Variants in HTR4 observed in about 807,000 individuals in gnomAD.
HTR4 encodes 5-hydroxytryptamine receptor 4.
HTR4 carries 16 observed loss-of-function variants against 36.8 expected under a neutral mutation model. The ratio of observed to expected loss-of-function variants is 0.43; its 90% CI spans 0.29 to 0.66. The LOEUF (loss-of-function observed/expected upper bound fraction) is 0.66. HTR4 is among the 30% of genes least tolerant of loss of function. The pLI is 0.13. For missense variants in HTR4, 438 were observed against 490.9 expected, an observed-to-expected ratio of 0.89 and a Z score of 1.02; for synonymous variants, 189 against 185.1, an observed-to-expected ratio of 1.02 and a Z score of -0.17.
intron 5 of HTR4, among the ~76,000 whole-genome samples, chr5:148,453,152 C>T (rs1048281909): frequency 3.6e-4 from 55 of 152,254 alleles, no homozygotes; most frequent in African/African-American, 1.2e-3. Context: ...AGTGCTTTTC[C>T]GGAGCAGCAG....
Position 148,518,608 on chromosome 5 carries a change from C to G in HTR4, c.507+4585G>C, listed in dbSNP as rs573918285. ...ACATAGGGCAAATAATGTCATTCCT[C>G]TCACCCAAACCCTCAAAAGCTTCTT... is the stretch of plus-strand genomic sequence containing the variant. On this transcript the variant is annotated intron_variant, in intron 5 of 6. Coordinates refer to ENST00000377888, the MANE Select transcript of HTR4 (RefSeq NM_000870.7). Among the ~76,000 whole-genome samples, 16 of 152,216 alleles carry G rather than the reference C, an allele frequency of 1.1e-4. No homozygotes were observed. The South Asian group carries it at 3.3e-3, about 32-fold the overall frequency.
chr5:148,468,976 G>A (rs542923619), intron 5 of HTR4, among the ~76,000 whole-genome samples: 10 of 152,140 alleles, frequency 6.6e-5, no homozygotes, highest in East Asian at 3.9e-4. Context: ...CCGTTCCGCC[G>A]TGATTGTAAG....
chr5:148,523,539 T>A (rs1758125540), intron 4 of HTR4, among the ~76,000 whole-genome samples, 193 bp from the exon 5 acceptor site: 1 of 147,714 alleles, frequency 6.8e-6, no homozygotes, highest in African/African-American at 2.5e-5. Context: ...GAATACAGGG[T>A]AAAAAGAGGA....
chr5:148,583,650 T>TCA lies in HTR4; in HGVS notation c.27-33389_27-33388insTG, dbSNP rs57329125. ...ATCATCATCATCATCATCATCATCA[T>TCA]TATTATCATCATTTTATATTAAAAA... On this transcript the variant is annotated intron_variant, in intron 2 of 6. Transcript: ENST00000377888. 1.5e-4 allele frequency among the ~76,000 whole-genome samples: 23 copies of TCA among 151,614 alleles called. No homozygotes were observed. The South Asian group carries it at 2.1e-3, about 14-fold the overall frequency.
chr5:148,499,198 ACTT>A (rs1259461850), intron 6 of HTR4, among the ~76,000 whole-genome samples: 1 of 152,152 alleles, frequency 6.6e-6, no homozygotes, highest in Non-Finnish European at 1.5e-5. Flanking sequence ...ATAATACCTT[ACTT>A]CTTTGAGTTA....
At chr5:148,455,349 G>A (rs1199268586) in intron 5 of HTR4, among the ~76,000 whole-genome samples, 2 of 152,160 alleles carry the variant, frequency 1.3e-5, no homozygotes, top group African/African-American at 4.8e-5. Context: ...CATGAAAAAG[G>A]TATCCTAGTT....
downstream of HTR4, among the ~76,000 whole-genome samples, chr5:148,473,237 G>A (rs547835521): frequency 5.0e-3 from 745 of 149,360 alleles, 4 homozygotes; most frequent in Middle Eastern, 0.01. Flanking sequence ...GGCAGAGGTT[G>A]CATGCAGTGA....
intron 1 of HTR4, among the ~76,000 whole-genome samples, chr5:148,638,169 C>T (rs1054401747): frequency 1.3e-5 from 2 of 152,120 alleles, no homozygotes; most frequent in African/African-American, 2.4e-5. Flanking sequence ...GAAAGGACCT[C>T]GACTCTCTGT....
chr5:148,467,683 A>G (rs1755463318), intron 5 of HTR4, among the ~76,000 whole-genome samples: 1 of 152,266 alleles, frequency 6.6e-6, no homozygotes, highest in South Asian at 2.1e-4. Context: ...CCTTATCCAC[A>G]GTCTCCTATT....
intron 2 of HTR4, among the ~76,000 whole-genome samples, chr5:148,615,293 T>C (rs1163587940): frequency 1.3e-5 from 2 of 151,982 alleles, no homozygotes; most frequent in Non-Finnish European, 2.9e-5. Flanking sequence ...ATGTCCAACA[T>C]TGATAGACTG....
chr5:148,621,157 T>C (rs1375214089), intron 2 of HTR4, among the ~76,000 whole-genome samples: 1 of 152,228 alleles, frequency 6.6e-6, no homozygotes, highest in Non-Finnish European at 1.5e-5. Context: ...GAAAAGGTTC[T>C]TTGAAATTCA....
At chr5:148,618,391 C>A (rs1381811242) in intron 2 of HTR4, among the ~76,000 whole-genome samples, 1 of 152,258 alleles carries the variant, frequency 6.6e-6, no homozygotes, top group Non-Finnish European at 1.5e-5. Context: ...TCTTCTCCAA[C>A]CAGGCTCAGC....
At position 148,482,522 on chromosome 5, in the gene HTR4, T is replaced by C. The variant is rs200945291; in HGVS notation, c.*681A>G. The C allele has an allele frequency of 4.1e-6, 4 of 985,512 alleles. No individual in the cohort carries two copies. Among genetic ancestry groups the C allele is most frequent in the Non-Finnish European group, 4.8e-6 (4 of 830,062 alleles). 61.0% of individuals were successfully genotyped at this position (985,512 alleles called of 1,614,324 possible). ...CAGATCTCTGACCCTGTGTCTTCCA[T>C]GGAAAATAAATGGAGCATGTCCTGA... is the stretch of plus-strand genomic sequence containing the variant. On this transcript the variant is annotated 3_prime_UTR_variant, in exon 7 of 7. Coordinates refer to ENST00000377888, the MANE Select transcript of HTR4 (RefSeq NM_000870.7).
At chr5:148,470,072 C>T (rs1988818) in intron 5 of HTR4, among the ~76,000 whole-genome samples, 76,545 of 151,982 alleles carry the variant, frequency 0.5, 19,993 homozygotes, top group East Asian at 0.8. Flanking sequence ...GTGATGACAA[C>T]AGCAATGATA....
At chr5:148,633,652 A>G (rs1487239856) in intron 2 of HTR4, among the ~76,000 whole-genome samples, 2 of 151,196 alleles carry the variant, frequency 1.3e-5, no homozygotes, top group Admixed American at 6.7e-5. Context: ...TTATCACCGT[A>G]TTAAATACTT....
intron 4 of HTR4, among the ~76,000 whole-genome samples, chr5:148,537,063 C>T (rs2400597): frequency 0.81 from 123,342 of 152,176 alleles, 50,920 homozygotes; most frequent in East Asian, 0.99. Context: ...GCAATAAAAA[C>T]AGAAGTCAAG....
chr5:148,599,127 G>T (rs1019603188), intron 2 of HTR4, among the ~76,000 whole-genome samples: 2 of 152,026 alleles, frequency 1.3e-5, no homozygotes, highest in African/African-American at 4.8e-5. Context: ...TACAACAAAA[G>T]GAAAGTATAG....
intron 2 of HTR4, among the ~76,000 whole-genome samples, chr5:148,618,795 A>C (rs1752804914): frequency 6.6e-6 from 1 of 152,216 alleles, no homozygotes; most frequent in Non-Finnish European, 1.5e-5. Flanking sequence ...CATTCAAGAA[A>C]TGGATGTGAA....
intron 2 of HTR4, among the ~76,000 whole-genome samples, chr5:148,593,430 C>G (rs1761650216): frequency 6.6e-6 from 1 of 152,136 alleles, no homozygotes; most frequent in Non-Finnish European, 1.5e-5. Flanking sequence ...TTCCAGTCAG[C>G]TAACCAAGAA....
Sources: allele counts gnomAD v4.1 joint callset (sites outside exome capture counted in the v4.1 genomes callset), GRCh38; gene constraint gnomAD v4.1.1; transcripts MANE v1.5; gene names NCBI Gene and HGNC (gene_info 2026-07-23, HGNC 2026-07-21).